The following MYOM2 variants were observed in gnomAD, a reference collection of about 807,000 sequenced individuals.
The protein encoded by MYOM2 is myomesin 2, also known as myomesin-2.
MYOM2 carries 254 observed loss-of-function variants against 187.6 expected under a neutral mutation model. The ratio of observed to expected loss-of-function variants is 1.35; its 90% CI spans 1.22 to 1.50. The LOEUF (loss-of-function observed/expected upper bound fraction) is 1.50. Among genes scored for constraint, MYOM2 ranks in the 40% most tolerant of loss-of-function variants. The pLI is 0.00. For missense variants in MYOM2, 2,796 were observed against 1,924.0 expected (o/e 1.45, Z -8.48); for synonymous variants, 981 against 753.8 (o/e 1.30, Z -4.94).
intron 3 of MYOM2, among the ~76,000 whole-genome samples, chr8:2,053,438 A>G (rs1818556430): frequency 1.3e-5 from 2 of 152,252 alleles, no homozygotes; most frequent in Non-Finnish European, 2.9e-5. Context: ...GGGCTACAAT[A>G]GAATACTTGA....
At chr8:2,125,757 A>T (rs1797614411) in intron 31 of MYOM2, among the ~76,000 whole-genome samples, 1 of 151,492 alleles carries the variant, frequency 6.6e-6, no homozygotes, top group Non-Finnish European at 1.5e-5. Context: ...ACAGGCACGC[A>T]TCACCACACC....
At chr8:2,140,310 G>T (rs554396369) in intron 32 of MYOM2, among the ~76,000 whole-genome samples, 1 of 148,976 alleles carries the variant, frequency 6.7e-6, no homozygotes, top group Non-Finnish European at 1.5e-5. Context: ...CTCCCCACCG[G>T]GGCGGTCGTG....
At chr8:2,073,577 C>A in intron 10 of MYOM2, 77 bp downstream of exon 10, 2 of 1,474,360 alleles carry the variant, frequency 1.4e-6, no homozygotes, top group East Asian at 2.4e-5. Context: ...AGGAGGGAGG[C>A]GCTGGGAAAA....
intron 8 of MYOM2, among the ~76,000 whole-genome samples, chr8:2,070,366 C>T (rs1056772933): frequency 1.3e-5 from 2 of 152,182 alleles, no homozygotes; most frequent in Non-Finnish European, 2.9e-5. Flanking sequence ...AGCTGCTGGC[C>T]GCTGTGGGCG....
chr8:2,050,300 C>A (rs542500749), intron 1 of MYOM2, among the ~76,000 whole-genome samples: 2 of 152,198 alleles, frequency 1.3e-5, no homozygotes, highest in Non-Finnish European at 2.9e-5. Flanking sequence ...GTGGGCCACT[C>A]GGCCGTCCTG....
intron 32 of MYOM2, among the ~76,000 whole-genome samples, chr8:2,135,462 A>C (rs1000256028): frequency 6.6e-6 from 1 of 152,136 alleles, no homozygotes; most frequent in Non-Finnish European, 1.5e-5. Context: ...TGGTTGTAAG[A>C]GTCTGAGCTA....
At chr8:2,091,256 C>G (rs1044668368) in intron 15 of MYOM2, among the ~76,000 whole-genome samples, 2 of 151,958 alleles carry the variant, frequency 1.3e-5, no homozygotes, top group Non-Finnish European at 2.9e-5. Context: ...ATTGCCCAGG[C>G]CAGTCTCGAA....
chr8:2,076,256 C>T lies in MYOM2; in HGVS notation c.1236C>T (p.Ser412=). The change falls in exon 11 of 37, where the codon AGC becomes AGT. Residue 412 remains serine, a synonymous_variant. Coordinates refer to ENST00000262113, the MANE Select transcript of MYOM2 (RefSeq NM_003970.4). Reference sequence around the variant, plus strand: ...AGCCGCCCAACACCACCACTGAGAGCCCCGTCATGGGCTATTTTGTGGACC... The same window carrying T: ...AGCCGCCCAACACCACCACTGAGAGTCCCGTCATGGGCTATTTTGTGGACC... The part of the protein sequence containing the change: ...TWKPPNTTTE[S]PVMGYFVDRC... 1 of 1,613,760 alleles carries T rather than the reference C, an allele frequency of 6.2e-7. No individual in the cohort carries two copies. The highest frequency in any genetic ancestry group is 2.2e-5 in the East Asian group (1 of 44,882).
intron 11 of MYOM2, among the ~76,000 whole-genome samples, chr8:2,077,870 G>T (rs1046492392): frequency 6.6e-6 from 1 of 152,182 alleles, no homozygotes; most frequent in Non-Finnish European, 1.5e-5. Context: ...GCCTGAAGTT[G>T]CAGGTTTTCC....
intron 27 of MYOM2, among the ~76,000 whole-genome samples, chr8:2,116,917 C>T (rs1429053350): frequency 7.3e-6 from 1 of 137,720 alleles, no homozygotes; most frequent in Non-Finnish European, 1.6e-5. Flanking sequence ...GCCACTATGC[C>T]CGGTTAATTT....
At chr8:2,143,526 G>C in intron 36 of MYOM2, 70 bp downstream of exon 36, 1 of 1,592,590 alleles carries the variant, frequency 6.3e-7, no homozygotes, top group Non-Finnish European at 8.6e-7. Flanking sequence ...CTTCTCTTGG[G>C]GCGGAGCAGA....
At chr8:2,119,091 T>G (rs986812310) in intron 28 of MYOM2, 4 of 152,278 alleles carry the variant, frequency 2.6e-5, no homozygotes, top group Non-Finnish European at 4.4e-5. Context: ...AAGATTTAGT[T>G]ATATCCGTGG....
At chr8:2,110,727 C>G (rs895660069) in intron 25 of MYOM2, among the ~76,000 whole-genome samples, 3 of 152,224 alleles carry the variant, frequency 2.0e-5, no homozygotes, top group African/African-American at 7.2e-5. Context: ...GCCTCTCATG[C>G]TCCCGGGCAG....
At chr8:2,077,335 C>CA (rs1211057910) in intron 11 of MYOM2, among the ~76,000 whole-genome samples, 9 of 151,354 alleles carry the variant, frequency 5.9e-5, no homozygotes, top group Non-Finnish European at 1.3e-4. Flanking sequence ...AAACAAAAAA[C>CA]AAAAAAACAA....
At chr8:2,106,216 G>A (rs58875080) in intron 21 of MYOM2, 26 bp from the exon 22 acceptor site, 48,429 of 1,609,834 alleles carry the variant, frequency 0.03, 1,140 homozygotes, top group South Asian at 0.084. Flanking sequence ...TCCCTAAGCC[G>A]CTCACTTCAT....
chr8:2,070,540 A>C (rs1426266550), intron 8 of MYOM2, among the ~76,000 whole-genome samples: 1 of 152,144 alleles, frequency 6.6e-6, no homozygotes, highest in Non-Finnish European at 1.5e-5. Context: ...TCAGGACAGC[A>C]CAGAGTCTGT....
rs139430925 is a variant in MYOM2 at position 2,111,529 on chromosome 8, A to G, written c.3180+1998A>G. ...ACTCATAGATGTTTGAGGTGAGGATAATGTCATACAAATAAGGACAGTGCA... is the reference window on the plus strand; with the variant it reads ...ACTCATAGATGTTTGAGGTGAGGATGATGTCATACAAATAAGGACAGTGCA... On this transcript the variant is annotated intron_variant, in intron 25 of 36. Transcript: ENST00000262113. Among the ~76,000 whole-genome samples the G allele has an allele frequency of 3.8e-4, 58 of 152,330 alleles. No homozygotes were observed. In the East Asian group the frequency reaches 9.1e-3, roughly 24 times the overall value.
intron 1 of MYOM2, among the ~76,000 whole-genome samples, chr8:2,046,751 C>CT (rs574408692): frequency 0.61 from 85,489 of 139,296 alleles, 27,236 homozygotes; most frequent in East Asian, 0.82. Flanking sequence ...TTTCTTTTTT[C>CT]TTTTTTTTTT....
rs535915270 is a variant in MYOM2 at position 2,075,385 on chromosome 8, T to A, written c.1121-756T>A. Among the ~76,000 whole-genome samples the A allele has an allele frequency of 3.9e-5, 6 of 152,234 alleles. No homozygotes were observed. The South Asian group carries it at 1.2e-3, about 32-fold the overall frequency. On this transcript the variant is annotated intron_variant, in intron 10 of 36. Coordinates refer to ENST00000262113, the MANE Select transcript of MYOM2 (RefSeq NM_003970.4). ...GAAAATAAGGCAAAGGTGGGGAGTT[T>A]AACCATTTTCATCGCTTTCTGAGGC...
Sources: allele counts gnomAD v4.1 joint callset (sites outside exome capture counted in the v4.1 genomes callset), GRCh38; gene constraint gnomAD v4.1.1; transcripts MANE v1.5; gene names NCBI Gene and HGNC (gene_info 2026-07-23, HGNC 2026-07-21).